TFB1M: variants seen among roughly 807,000 people sequenced by gnomAD.
TFB1M encodes transcription factor B1, mitochondrial.
Under a neutral mutation model 31.1 loss-of-function variants are expected in TFB1M, and 27 were observed. The ratio of observed to expected loss-of-function variants is 0.87; its 90% CI spans 0.64 to 1.20. TFB1M has a LOEUF of 1.20. TFB1M is among the 50% of genes most tolerant of loss of function. TFB1M has a pLI of 0.00. For synonymous variants in TFB1M, 166 were observed against 151.8 expected, an observed-to-expected ratio of 1.09 and a Z score of -0.69; for missense variants, 394 against 418.7, an observed-to-expected ratio of 0.94 and a Z score of 0.51.
chr6:155,290,283 G>A (rs1055016744), intron 4 of TFB1M, among the ~76,000 whole-genome samples: 1 of 151,764 alleles, frequency 6.6e-6, no homozygotes, highest in African/African-American at 2.4e-5. Context: ...CTACTTGGGA[G>A]GCTGAGGCAG....
At chr6:155,250,812 G>A in the TFB1M span, 2 of 1,301,058 alleles carry the variant, frequency 1.5e-6, no homozygotes, top group Non-Finnish European at 2.2e-6. Context: ...AACCAGCTGT[G>A]CTTGCATTTT....
downstream of TFB1M, chr6:155,253,717 G>C (rs751069287): frequency 5.2e-6 from 2 of 381,954 alleles, no homozygotes; most frequent in Non-Finnish European, 9.3e-6. Context: ...CTCTTCCCCA[G>C]AGAGGGGCTC....
the TFB1M span, among the ~76,000 whole-genome samples, chr6:155,238,038 T>G: frequency 6.6e-6 from 1 of 152,264 alleles, no homozygotes; most frequent in African/African-American, 2.4e-5. Context: ...CAAAGTTTTA[T>G]GCTCTGCCTC....
chr6:155,254,650 T>A, downstream of TFB1M: 1 of 1,531,166 alleles, frequency 6.5e-7, no homozygotes, highest in Non-Finnish European at 8.9e-7. Flanking sequence ...TCTTGTAACA[T>A]AGCTGTGACT....
chr6:155,309,469 C>T (rs1056674688), intron 2 of TFB1M, among the ~76,000 whole-genome samples: 1 of 152,152 alleles, frequency 6.6e-6, no homozygotes, highest in South Asian at 2.1e-4. Context: ...GAATTAGGAA[C>T]GCAGTGACTT....
chr6:155,300,957 A>G (rs1562421204), intron 2 of TFB1M, among the ~76,000 whole-genome samples: 1 of 151,922 alleles, frequency 6.6e-6, no homozygotes, highest in Non-Finnish European at 1.5e-5. Flanking sequence ...GGTGTGCACT[A>G]CCACACCTGG....
At chr6:155,274,542 G>A (rs1464212498) in intron 5 of TFB1M, among the ~76,000 whole-genome samples, 1 of 152,180 alleles carries the variant, frequency 6.6e-6, no homozygotes, top group Non-Finnish European at 1.5e-5. Context: ...CAGAATAGCC[G>A]GCTTCATTTG....
chr6:155,230,837 T>C, the TFB1M span, among the ~76,000 whole-genome samples: 24 of 80,104 alleles, frequency 3.0e-4, no homozygotes, highest in Non-Finnish European at 5.0e-4. Flanking sequence ...GCAGAGCTAC[T>C]TTTTTTTTTT....
rs1213159245 is a variant in TFB1M at position 155,256,203 on chromosome 6, C to T, written c.*1633G>A. ...ACTTACTCCTTGGCAAAATAAGAAT[C>T]TTAGCCCATGTAGTAGTTTCTAGTG... is the stretch of plus-strand genomic sequence containing the variant. On this transcript the variant is annotated 3_prime_UTR_variant, in exon 7 of 7. Coordinates refer to ENST00000367166, the MANE Select transcript of TFB1M (RefSeq NM_016020.4). 8.9e-6 allele frequency: 5 copies of T among 564,252 alleles called. No individual in the cohort carries two copies. Among genetic ancestry groups the T allele is most frequent in the African/African-American group, 1.9e-5 (1 of 52,150 alleles). The allele number at this position is 564,252 out of a possible 1,614,324, so 35.0% of individuals were successfully genotyped here. A position where few individuals can be genotyped will look rare whatever the true frequency, so the allele number is the denominator to read the frequency against.
At chr6:155,293,395 T>C (rs1777020750) in intron 4 of TFB1M, among the ~76,000 whole-genome samples, 1 of 152,234 alleles carries the variant, frequency 6.6e-6, no homozygotes, top group South Asian at 2.1e-4. Flanking sequence ...CTCTGTCACG[T>C]GCTGCTTCTC....
At chr6:155,310,969 TCAAGG>T in intron 2 of TFB1M, 2 of 571,338 alleles carry the variant, frequency 3.5e-6, no homozygotes, top group Non-Finnish European at 6.2e-6. Context: ...CAGGTTTTTT[TCAAGG>T]TGTAGTCAAT....
chr6:155,314,122 G>A (rs985642263), intron 1 of TFB1M, 174 bp downstream of exon 1: 5 of 1,491,744 alleles, frequency 3.4e-6, no homozygotes, highest in Non-Finnish European at 3.6e-6. Flanking sequence ...CGCACTTCAC[G>A]TGTCTCCTGG....
chr6:155,248,153 A>G, the TFB1M span: 2 of 1,613,978 alleles, frequency 1.2e-6, no homozygotes, highest in Non-Finnish European at 8.5e-7. Flanking sequence ...ACGGACCAGG[A>G]GAGCGAGGAG....
chr6:155,245,778 T>G, the TFB1M span: 1 of 1,082,244 alleles, frequency 9.2e-7, no homozygotes, highest in South Asian at 1.5e-5. Flanking sequence ...TTTGCATTTT[T>G]AACTGTTAGT....
rs139020471 is a variant in TFB1M at position 155,278,152 on chromosome 6, T to C, written c.666+7006A>G. ...ATTCCTACAGGAATTCCTATCCCGC[T>C]GTGTTCATTCCTCCACCTGCACTCC... On this transcript the variant is annotated intron_variant, in intron 5 of 6. Coordinates refer to ENST00000367166, the MANE Select transcript of TFB1M (RefSeq NM_016020.4). 3.2e-3 allele frequency among the ~76,000 whole-genome samples: 488 copies of C among 152,294 alleles called. 3 individuals carry two copies. The highest frequency in any genetic ancestry group is 4.9e-3 in the Non-Finnish European group (335 of 68,024).
chr6:155,311,188 C>G lies in TFB1M; in HGVS notation c.285G>C (p.Gln95His), dbSNP rs1317548367. 1 of 1,614,004 alleles carries G rather than the reference C, an allele frequency of 6.2e-7. No individual in the cohort carries two copies. The highest frequency in any genetic ancestry group is 2.2e-5 in the East Asian group (1 of 44,876). ...AAAGCAGACACTTTAAGCATCTCAC[C>G]TGTAATCCAGGAATAAATCGAGTGT... is the stretch of plus-strand genomic sequence containing the variant. ...EKDTRFIPGL[Q>H]MLSDAAPGKL... The change falls in exon 2 of 7, where the codon CAG becomes CAC. Residue 95 changes from glutamine to histidine, a missense_variant and splice_region_variant. Transcript: ENST00000367166.
chr6:155,313,366 G>A (rs983303783), intron 1 of TFB1M: 1 of 152,150 alleles, frequency 6.6e-6, no homozygotes, highest in Non-Finnish European at 1.5e-5. Context: ...ATGTTTTCTG[G>A]AGTGTGCTTC....
At chr6:155,287,101 C>T (rs1776692602) in intron 4 of TFB1M, among the ~76,000 whole-genome samples, 1 of 151,698 alleles carries the variant, frequency 6.6e-6, no homozygotes, top group South Asian at 2.1e-4. Flanking sequence ...ATTTCATACA[C>T]ATGAAATGAA....
At chr6:155,280,603 TAGG>T (rs893818573) in intron 5 of TFB1M, among the ~76,000 whole-genome samples, 5 of 152,336 alleles carry the variant, frequency 3.3e-5, no homozygotes, top group Non-Finnish European at 5.9e-5. Context: ...AATCTGATTC[TAGG>T]AGGAGAATAC....
Sources: gnomAD v4.1 joint callset for allele counts (sites outside exome capture counted in the v4.1 genomes callset) on GRCh38, gnomAD v4.1.1 for gene constraint, MANE v1.5 for transcripts, NCBI Gene and HGNC (gene_info 2026-07-23, HGNC 2026-07-21) for gene names.